MARK3: variants seen among roughly 807,000 people sequenced by gnomAD.
MARK3 encodes MAP/microtubule affinity-regulating kinase 3.
In MARK3, 46 loss-of-function variants were observed where a neutral mutation model predicts 90.1. The observed-to-expected ratio is 0.51, with a 90% CI of 0.40 to 0.65. The LOEUF (loss-of-function observed/expected upper bound fraction) is 0.65, where lower values mean the gene tolerates loss of function less well. Ranked by LOEUF, MARK3 falls within the 30% of genes least tolerant of loss-of-function variation. The pLI is 0.00. For synonymous variants in MARK3, 321 were observed against 332.6 expected, an observed-to-expected ratio of 0.97 and a Z score of 0.38; for missense variants, 818 against 947.2, an observed-to-expected ratio of 0.86 and a Z score of 1.79.
rs1211373988 is a variant in MARK3, at chr14:103,446,389, G to A, written c.298-2530G>A. Among the ~76,000 whole-genome samples the A allele has an allele frequency of 2.0e-5, 3 of 152,232 alleles. 1 individual carries two copies. Among genetic ancestry groups the A allele is most frequent in the South Asian group, 4.1e-4 (2 of 4,824 alleles). On this transcript the variant is annotated intron_variant, in intron 3 of 17. Coordinates refer to ENST00000429436, the MANE Select transcript of MARK3 (RefSeq NM_001128918.3). The stretch of plus-strand genomic sequence containing the variant: ...AAAAATACAAAAATTAGCCAGGCAT[G>A]GTGGGACCTACAATCCTAGCTGCTC...
intron 1 of MARK3, among the ~76,000 whole-genome samples, chr14:103,388,412 A>G (rs1168279003): frequency 6.6e-6 from 1 of 152,236 alleles, no homozygotes; most frequent in Non-Finnish European, 1.5e-5. Flanking sequence ...GGTATAGTCC[A>G]TATTAATTAC....
intron 14 of MARK3, among the ~76,000 whole-genome samples, chr14:103,485,063 CAAAAA>C (rs34312214): frequency 1.0e-5 from 1 of 97,750 alleles, no homozygotes; most frequent in Non-Finnish European, 2.0e-5. Context: ...ACTAAAAATA[CAAAAA>C]AAAAAAAAAA....
chr14:103,488,557 A>T (rs1470048266), intron 14 of MARK3, among the ~76,000 whole-genome samples: 2 of 152,138 alleles, frequency 1.3e-5, no homozygotes, highest in Non-Finnish European at 2.9e-5. Flanking sequence ...CTCAAACAAA[A>T]ATGCAGGGAC....
chr14:103,492,034 G>T lies in MARK3; in HGVS notation c.1844G>T (p.Arg615Ile), dbSNP rs930987270. 1 of 1,613,956 alleles carries T rather than the reference G, an allele frequency of 6.2e-7. No homozygotes were observed. Among genetic ancestry groups the T allele is most frequent in the Non-Finnish European group, 8.5e-7 (1 of 1,179,918 alleles). Residue 615 changes from arginine (R) to isoleucine (I), a missense_variant and splice_region_variant, in exon 15 of 18, where the codon AGA becomes ATA. This residue lies in a region of MARK3 where 560 missense variants were observed against 613.5 expected (regional missense o/e 0.91). Coordinates refer to ENST00000429436, the MANE Select transcript of MARK3 (RefSeq NM_001128918.3). ...AAATTAACTTCAAAACTCACAAGGAGGTAAGTGCTAGGTGCTGGTTGTTTT... is the reference window on the plus strand; with the variant it reads ...AAATTAACTTCAAAACTCACAAGGATGTAAGTGCTAGGTGCTGGTTGTTTT... The part of the protein sequence containing the change: ...FSKLTSKLTR[R>I]NMSFRFIKRL...
chr14:103,428,551 T>TTCC, intron 3 of MARK3, 111 bp downstream of exon 3: 2 of 642,766 alleles, frequency 3.1e-6, no homozygotes, highest in East Asian at 6.4e-5. Context: ...GCCATAAAGC[T>TTCC]TCCTATTCCT....
At chr14:103,408,144 T>C (rs1388821042) in intron 2 of MARK3, among the ~76,000 whole-genome samples, 1 of 152,188 alleles carries the variant, frequency 6.6e-6, no homozygotes, top group Non-Finnish European at 1.5e-5. Context: ...TGTTAGGTAC[T>C]TAATAAATAT....
At chr14:103,464,087 C>G (rs780365773) in intron 7 of MARK3, among the ~76,000 whole-genome samples, 3 of 152,136 alleles carry the variant, frequency 2.0e-5, no homozygotes, top group Non-Finnish European at 4.4e-5. Context: ...AGTGCCAACC[C>G]ACAACTCCCT....
At chr14:103,387,425 T>C (rs1312573327) in intron 1 of MARK3, among the ~76,000 whole-genome samples, 1 of 152,150 alleles carries the variant, frequency 6.6e-6, no homozygotes, top group Non-Finnish European at 1.5e-5. Flanking sequence ...TTAGACTAGG[T>C]GAGTCAGGGA....
Position 103,491,951 on chromosome 14 carries a change from C to T in MARK3, c.1761C>T (p.Ser587=), listed in dbSNP as rs370314522. 1.9e-6 allele frequency: 3 copies of T among 1,614,182 alleles called. No individual in the cohort carries two copies. Among genetic ancestry groups the T allele is most frequent in the Non-Finnish European group, 2.5e-6 (3 of 1,180,040 alleles). The change falls in exon 15 of 18, where the codon TCC becomes TCT. Residue 587 remains serine, a synonymous_variant. Coordinates refer to ENST00000429436, the MANE Select transcript of MARK3 (RefSeq NM_001128918.3). ...YNGPPASPSL[S]HEATPLSQTR... ...GCCCTCCTGCCTCTCCCAGCCTGTC[C>T]CATGAAGCCACACCATTGTCCCAGA...
At chr14:103,500,542 A>G (rs544586475) in intron 17 of MARK3, among the ~76,000 whole-genome samples, 1 of 152,362 alleles carries the variant, frequency 6.6e-6, no homozygotes, top group African/African-American at 2.4e-5. Flanking sequence ...CACAAGGAAT[A>G]AAAGCAAAGT....
rs181308506 is a variant in MARK3 at position 103,452,014 on chromosome 14, T to C, written c.412+31T>C. On this transcript the variant is annotated intron_variant, in intron 5 of 17. Coordinates refer to ENST00000429436, the MANE Select transcript of MARK3 (RefSeq NM_001128918.3). ...AACATTTTTATATATATTGGGTTTTTTTTCTTTCTCCCTTTTAAAAAAATA... is the reference window on the plus strand; with the variant it reads ...AACATTTTTATATATATTGGGTTTTCTTTCTTTCTCCCTTTTAAAAAAATA... 8.7e-4 allele frequency: 1,286 copies of C among 1,471,812 alleles called. 1 individual carries two copies. The highest frequency in any genetic ancestry group is 1.2e-3 in the Non-Finnish European group (1,218 of 1,058,000). 91.2% of individuals were successfully genotyped at this position (1,471,812 alleles called of 1,614,324 possible). A position where few individuals can be genotyped will look rare whatever the true frequency, so the allele number is the denominator to read the frequency against.
intron 2 of MARK3, among the ~76,000 whole-genome samples, chr14:103,409,503 G>GT (rs1252993181): frequency 2.3e-4 from 33 of 144,922 alleles, no homozygotes; most frequent in Admixed American, 8.3e-4. Flanking sequence ...CTCTTGTGGG[G>GT]TTTTTTTTGC....
At chr14:103,413,613 A>T (rs985938350) in intron 2 of MARK3, among the ~76,000 whole-genome samples, 1 of 147,590 alleles carries the variant, frequency 6.8e-6, no homozygotes, top group Non-Finnish European at 1.5e-5. Context: ...TATTTTATTT[A>T]TTTATTTTAT....
chr14:103,396,394 A>T (rs1333599427), intron 1 of MARK3, among the ~76,000 whole-genome samples: 1 of 151,780 alleles, frequency 6.6e-6, no homozygotes, highest in East Asian at 1.9e-4. Flanking sequence ...ATCTGTTACC[A>T]CTTTTATTTT....
chr14:103,443,208 G>A (rs571159226), intron 3 of MARK3, among the ~76,000 whole-genome samples: 76 of 152,298 alleles, frequency 5.0e-4, no homozygotes, highest in Non-Finnish European at 8.8e-4. Context: ...AACAACAGAA[G>A]TTGAGAAAGT....
At chr14:103,470,094 T>C (rs1415861042) in intron 12 of MARK3, among the ~76,000 whole-genome samples, 8 of 151,698 alleles carry the variant, frequency 5.3e-5, no homozygotes, top group Admixed American at 2.6e-4. Context: ...TTAAGTGTAA[T>C]ATATAGCCAG....
intron 2 of MARK3, among the ~76,000 whole-genome samples, chr14:103,423,703 G>C (rs943974742): frequency 6.6e-6 from 1 of 152,186 alleles, no homozygotes; most frequent in African/African-American, 2.4e-5. Context: ...CGGGGAGCTA[G>C]GAGGAAGAGG....
chr14:103,453,003 C>T (rs2093190364), intron 5 of MARK3, among the ~76,000 whole-genome samples: 1 of 152,180 alleles, frequency 6.6e-6, no homozygotes, highest in African/African-American at 2.4e-5. Flanking sequence ...CTTTTCTTTA[C>T]CAGATTTTAA....
chr14:103,447,842 C>T (rs1337132256), intron 3 of MARK3, among the ~76,000 whole-genome samples: 1 of 152,040 alleles, frequency 6.6e-6, no homozygotes, highest in Non-Finnish European at 1.5e-5. Context: ...GTGACGCCAT[C>T]AGCTCTCTGC....
Sources: gnomAD v4.1 joint callset for allele counts (sites outside exome capture counted in the v4.1 genomes callset) on GRCh38, gnomAD v4.1.1 for gene constraint, gnomAD v4.1.1 regional missense constraint, MANE v1.5 for transcripts, NCBI Gene and HGNC (gene_info 2026-07-23, HGNC 2026-07-21) for gene names.